The following CHLSN variants were observed in gnomAD, a reference collection of about 807,000 sequenced individuals.
The protein encoded by CHLSN is protein cholesin.
At chr7:997,769 G>C in the CHLSN span, 1 of 1,609,236 alleles carries the variant, frequency 6.2e-7, no homozygotes, top group Non-Finnish European at 8.5e-7. Context: ...GCCCCTCCAG[G>C]TAGGCCAGCA....
At chr7:1,023,646 CACACACACACACACACACACACACACACA>C in the CHLSN span, among the ~76,000 whole-genome samples, 2 of 117,698 alleles carry the variant, frequency 1.7e-5, no homozygotes, top group African/African-American at 5.4e-5. This position sits in a 1 kb window ranked among gnomAD's most constrained non-coding sequence, Gnocchi z 5.0. Flanking sequence ...CACACACACA[CACACACACACACACACACACACACACACA>C]CACCAGCAAC....
the CHLSN span, among the ~76,000 whole-genome samples, chr7:1,102,388 G>A: frequency 6.6e-6 from 1 of 152,302 alleles, no homozygotes; most frequent in East Asian, 1.9e-4. Context: ...GGGAGAAGAA[G>A]GGAAAAGTCG....
the CHLSN span, chr7:1,058,463 C>T: frequency 7.6e-5 from 59 of 780,284 alleles, no homozygotes; most frequent in Non-Finnish European, 1.1e-4. Context: ...AGCTGCCCTG[C>T]GGGGACCGGC....
At chr7:1,075,390 G>A in the CHLSN span, among the ~76,000 whole-genome samples, 1 of 151,866 alleles carries the variant, frequency 6.6e-6, no homozygotes, top group South Asian at 2.1e-4. Context: ...AAAAATTACA[G>A]GCAGGCGCCT....
chr7:1,098,554 C>T, the CHLSN span, among the ~76,000 whole-genome samples: 44 of 152,294 alleles, frequency 2.9e-4, no homozygotes, highest in East Asian at 6.6e-3. Flanking sequence ...GGAGACGCCA[C>T]GCTCGGTGAG....
the CHLSN span, among the ~76,000 whole-genome samples, chr7:1,054,614 C>CTTG: frequency 6.6e-6 from 1 of 152,234 alleles, no homozygotes; most frequent in Admixed American, 6.5e-5. Flanking sequence ...CTCCCTCTGA[C>CTTG]TTGGCCTCAC....
the CHLSN span, among the ~76,000 whole-genome samples, chr7:1,048,718 G>A: frequency 6.6e-6 from 1 of 152,146 alleles, no homozygotes; most frequent in Non-Finnish European, 1.5e-5. Flanking sequence ...AAATGCTCCT[G>A]ACAGCTAGCC....
chr7:989,841 G>A, the CHLSN span, among the ~76,000 whole-genome samples: 4 of 148,294 alleles, frequency 2.7e-5, no homozygotes, highest in Non-Finnish European at 4.5e-5. Flanking sequence ...GGTGTGGTCG[G>A]CAGTGTGACA....
At chr7:1,047,280 C>T in the CHLSN span, among the ~76,000 whole-genome samples, 1 of 152,194 alleles carries the variant, frequency 6.6e-6, no homozygotes, top group Admixed American at 6.5e-5. Context: ...CAAACATGCT[C>T]GCTATTATCC....
At chr7:987,176 G>A in the CHLSN span, 52 of 1,565,270 alleles carry the variant, frequency 3.3e-5, no homozygotes, top group Non-Finnish European at 4.0e-5. Flanking sequence ...GGTCATGGCC[G>A]GGACGGAGAC....
At chr7:986,735 C>A in the CHLSN span, 1 of 1,609,734 alleles carries the variant, frequency 6.2e-7, no homozygotes, top group Non-Finnish European at 8.5e-7. Flanking sequence ...GGCGCGGAGG[C>A]CCCACGTGTG....
chr7:1,019,906 C>G, the CHLSN span, among the ~76,000 whole-genome samples: 1 of 152,244 alleles, frequency 6.6e-6, no homozygotes, highest in African/African-American at 2.4e-5. Flanking sequence ...AGGCACTGAC[C>G]GCGGCCCGGA....
the CHLSN span, among the ~76,000 whole-genome samples, chr7:982,273 C>A: frequency 6.6e-6 from 1 of 152,244 alleles, no homozygotes; most frequent in East Asian, 1.9e-4. Context: ...GGGGGACCAA[C>A]CCGGGAGGGG....
At chr7:1,034,236 T>A in the CHLSN span, among the ~76,000 whole-genome samples, 1 of 152,162 alleles carries the variant, frequency 6.6e-6, no homozygotes, top group South Asian at 2.1e-4. Context: ...ACTTAAATGC[T>A]AAAAACCACA....
chr7:1,112,041 C>T, the CHLSN span, among the ~76,000 whole-genome samples: 1 of 152,102 alleles, frequency 6.6e-6, no homozygotes, highest in Non-Finnish European at 1.5e-5. Context: ...AAAAATAATA[C>T]ACATTACTTT....
the CHLSN span, among the ~76,000 whole-genome samples, chr7:982,785 C>A: frequency 6.6e-6 from 1 of 152,224 alleles, no homozygotes; most frequent in African/African-American, 2.4e-5. Flanking sequence ...TCCACAGGGT[C>A]CCACTCAGAG....
At chr7:1,027,507 C>T in the CHLSN span, among the ~76,000 whole-genome samples, 1 of 152,280 alleles carries the variant, frequency 6.6e-6, no homozygotes, top group African/African-American at 2.4e-5. Context: ...CTCCAAGCAC[C>T]TCTGCGCTCT....
the CHLSN span, among the ~76,000 whole-genome samples, chr7:1,099,306 T>C: frequency 7.9e-5 from 12 of 152,266 alleles, no homozygotes; most frequent in African/African-American, 2.7e-4. Context: ...TCTGTCCCTC[T>C]GAAGCACAGG....
At chr7:1,104,211 T>C in the CHLSN span, among the ~76,000 whole-genome samples, 4 of 152,236 alleles carry the variant, frequency 2.6e-5, no homozygotes, top group African/African-American at 9.6e-5. Flanking sequence ...CAACCTCCAC[T>C]GTCAGCACCG....
Sources: allele counts gnomAD v4.1 joint callset (sites outside exome capture counted in the v4.1 genomes callset), GRCh38; gene constraint gnomAD v4.1.1; non-coding constraint Gnocchi (gnomAD v3.1); transcripts MANE v1.5; gene names NCBI Gene and HGNC (gene_info 2026-07-23, HGNC 2026-07-21).